The following RASGEF1C variants were observed in gnomAD, a reference collection of about 807,000 sequenced individuals.
RASGEF1C encodes ras-GEF domain-containing family member 1C.
In RASGEF1C, 27 loss-of-function variants were observed where a neutral mutation model predicts 58.1. That is an observed-to-expected ratio of 0.46 (90% CI 0.34 to 0.64). The LOEUF (loss-of-function observed/expected upper bound fraction) is 0.64, where lower values mean the gene tolerates loss of function less well. RASGEF1C is among the 30% of genes least tolerant of loss of function. The probability of loss-of-function intolerance (pLI) is 0.01; values close to 1 mark genes in which losing one functional copy is unlikely to be tolerated. For synonymous variants in RASGEF1C, 243 were observed against 246.3 expected, an observed-to-expected ratio of 0.99 and a Z score of 0.13; for missense variants, 502 against 605.1, an observed-to-expected ratio of 0.83 and a Z score of 1.79.
At chr5:180,128,325 T>G in intron 5 of RASGEF1C, 85 bp downstream of exon 5, 1 of 1,259,686 alleles carries the variant, frequency 7.9e-7, no homozygotes, top group Non-Finnish European at 1.2e-6. Flanking sequence ...CTTGTGGGGC[T>G]GCTCTGGGAA....
At chr5:180,136,226 C>T in intron 4 of RASGEF1C, 152 bp downstream of exon 4, 2 of 803,534 alleles carry the variant, frequency 2.5e-6, no homozygotes. Context: ...TCGGCAGTGC[C>T]TGATTCCTTG....
chr5:180,177,618 A>G lies in RASGEF1C; in HGVS notation c.-7+31410T>C, dbSNP rs895011486. Reference sequence around the variant, plus strand: ...CCTCTCCTGCCCGTGGTAGGAGGACATGGCCCTGGTGCCACTTGGGGAAGG... The same window carrying G: ...CCTCTCCTGCCCGTGGTAGGAGGACGTGGCCCTGGTGCCACTTGGGGAAGG... On this transcript the variant is annotated intron_variant, in intron 1 of 13. Coordinates refer to ENST00000361132, the MANE Select transcript of RASGEF1C (RefSeq NM_175062.4). The surrounding 1 kb of genome is among the most constrained non-coding windows in gnomAD (Gnocchi z 5.0). Among the ~76,000 whole-genome samples the G allele has an allele frequency of 6.6e-6, 1 of 152,210 alleles. No homozygotes were observed. Among genetic ancestry groups the G allele is most frequent in the Non-Finnish European group, 1.5e-5 (1 of 68,038 alleles).
At chr5:180,138,152 G>A (rs1159793528) in intron 1 of RASGEF1C, 94 bp from the exon 2 acceptor site, 3 of 738,112 alleles carry the variant, frequency 4.1e-6, no homozygotes, top group Non-Finnish European at 6.3e-6. Context: ...CTCCTGGCTG[G>A]GCAGGCTCCC....
At chr5:180,135,450 TTC>T (rs1766454604) in intron 4 of RASGEF1C, 1 of 152,320 alleles carries the variant, frequency 6.6e-6, no homozygotes, top group African/African-American at 2.4e-5. Context: ...TTCCATTTCC[TTC>T]CAGGACGGTC....
At position 180,197,357 on chromosome 5, in the gene RASGEF1C, T is replaced by C. The variant is rs976265606; in HGVS notation, c.-7+11671A>G. Among the ~76,000 whole-genome samples the C allele has an allele frequency of 6.6e-6, 1 of 152,024 alleles. No individual in the cohort carries two copies. The highest frequency in any genetic ancestry group is 1.5e-5 in the Non-Finnish European group (1 of 68,006). ...CAGGGCAGTGGTGGCCTCTTGACAG[T>C]GGACCCAGGCTGGACAGAGAAGGCC... On this transcript the variant is annotated intron_variant, in intron 1 of 13. Coordinates refer to ENST00000361132, the MANE Select transcript of RASGEF1C (RefSeq NM_175062.4). This position sits in a 1 kb window ranked among gnomAD's most constrained non-coding sequence, Gnocchi z 4.7.
At chr5:180,121,255 C>A in intron 6 of RASGEF1C, 106 bp from the exon 7 acceptor site, 1 of 742,628 alleles carries the variant, frequency 1.3e-6, no homozygotes, top group Non-Finnish European at 2.4e-6. Context: ...AATGTTAAAA[C>A]CCCCAAACCA....
intron 6 of RASGEF1C, among the ~76,000 whole-genome samples, chr5:180,122,298 A>G (rs1766189606): frequency 1.3e-5 from 2 of 152,138 alleles, no homozygotes. Context: ...TATCATAACC[A>G]TATATATTCC....
Position 180,137,583 on chromosome 5 carries a change from G to A in RASGEF1C, c.300+7C>T, listed in dbSNP as rs554757265. ...TCTGAGACCCCCTGGCCTGCCCTCC[G>A]CCTCACCTTGTCCAGCACCGGCTTG... On this transcript the variant is annotated splice_region_variant and intron_variant, in intron 3 of 13. Coordinates refer to ENST00000361132, the MANE Select transcript of RASGEF1C (RefSeq NM_175062.4). This position sits in a 1 kb window ranked among gnomAD's most constrained non-coding sequence, Gnocchi z 4.1. The A allele has an allele frequency of 7.3e-5, 118 of 1,609,418 alleles. 1 individual carries two copies. In the South Asian group the frequency reaches 1.2e-3, roughly 17 times the overall value.
rs1004710208 is a variant in RASGEF1C at position 180,137,169 on chromosome 5, C to T, written c.300+421G>A. 2.0e-5 allele frequency among the ~76,000 whole-genome samples: 3 copies of T among 152,108 alleles called. No individual in the cohort carries two copies. The highest frequency in any genetic ancestry group is 4.1e-4 in the South Asian group (2 of 4,836). ...GCCAGCTAAGTCCTTTTGGTTCAGG[C>T]GGGTTGAAGTTGGGTCTCTCCCACT... is the stretch of plus-strand genomic sequence containing the variant. On this transcript the variant is annotated intron_variant, in intron 3 of 13. Transcript: ENST00000361132. This position sits in a 1 kb window ranked among gnomAD's most constrained non-coding sequence, Gnocchi z 4.1.
rs1021960916 is a variant in RASGEF1C, at chr5:180,135,747, G to T, written c.438+631C>A. ...CAGCACACCTAAGGCCTCCCAAGCC[G>T]CTGGGGTTCCTGAGGGCAAGGGCCG... is the stretch of plus-strand genomic sequence containing the variant. On this transcript the variant is annotated intron_variant, in intron 4 of 13. Coordinates refer to ENST00000361132, the MANE Select transcript of RASGEF1C (RefSeq NM_175062.4). Among the ~76,000 whole-genome samples, 3 of 152,220 alleles carry T rather than the reference G, an allele frequency of 2.0e-5. No individual in the cohort carries two copies. In the South Asian group the frequency reaches 6.2e-4, roughly 31 times the overall value.
chr5:180,105,512 C>T (rs1284730796), intron 12 of RASGEF1C, among the ~76,000 whole-genome samples: 1 of 150,622 alleles, frequency 6.6e-6, no homozygotes, highest in Non-Finnish European at 1.5e-5. Flanking sequence ...CAGTGAGCCG[C>T]GACTGCGCCA....
intron 4 of RASGEF1C, among the ~76,000 whole-genome samples, chr5:180,132,699 G>A (rs999934728): frequency 2.6e-5 from 4 of 152,170 alleles, no homozygotes; most frequent in African/African-American, 9.7e-5. Context: ...GGCCGGGCGC[G>A]GTGGCTCATG....
chr5:180,184,909 T>C (rs1756005603), intron 1 of RASGEF1C, among the ~76,000 whole-genome samples: 1 of 152,212 alleles, frequency 6.6e-6, no homozygotes, highest in Non-Finnish European at 1.5e-5. Flanking sequence ...AAGCAAGAAC[T>C]GATAGAACTG....
chr5:180,179,549 C>T (rs901264432), intron 1 of RASGEF1C, among the ~76,000 whole-genome samples: 2 of 152,180 alleles, frequency 1.3e-5, no homozygotes, highest in African/African-American at 4.8e-5. Context: ...CCAGCAATTA[C>T]CCTAAGGAGC....
At chr5:180,140,508 A>G (rs972097375) in intron 1 of RASGEF1C, among the ~76,000 whole-genome samples, 2 of 152,118 alleles carry the variant, frequency 1.3e-5, no homozygotes, top group African/African-American at 4.8e-5. Context: ...AAAGGGGGTG[A>G]CCACTCTCTG....
intron 1 of RASGEF1C, among the ~76,000 whole-genome samples, chr5:180,185,639 A>G (rs1027609418): frequency 6.6e-5 from 10 of 152,030 alleles, no homozygotes; most frequent in Non-Finnish European, 8.8e-5. Context: ...TAAAAAGGAT[A>G]ATAAGAAAAT....
intron 12 of RASGEF1C, among the ~76,000 whole-genome samples, chr5:180,106,241 A>G (rs1268208208): frequency 6.6e-6 from 1 of 152,170 alleles, no homozygotes; most frequent in Non-Finnish European, 1.5e-5. Flanking sequence ...TGTTCTTTTC[A>G]AAGAACCAGC....
intron 1 of RASGEF1C, among the ~76,000 whole-genome samples, chr5:180,203,618 G>A (rs560533552): frequency 2.6e-4 from 40 of 152,058 alleles, no homozygotes; most frequent in Admixed American, 5.2e-4. Context: ...GAAATGATGA[G>A]CTAATAAGCC....
At chr5:180,118,299 TGG>T (rs1766103444) in intron 10 of RASGEF1C, among the ~76,000 whole-genome samples, 3 of 151,628 alleles carry the variant, frequency 2.0e-5, no homozygotes, top group African/African-American at 7.3e-5. Flanking sequence ...GGAGAGGCCA[TGG>T]GGGCTCTGAA....
Sources: allele counts gnomAD v4.1 joint callset (sites outside exome capture counted in the v4.1 genomes callset), GRCh38; gene constraint gnomAD v4.1.1; non-coding constraint Gnocchi (gnomAD v3.1); transcripts MANE v1.5; gene names NCBI Gene and HGNC (gene_info 2026-07-23, HGNC 2026-07-21).